Variants in GRK6 observed in about 807,000 individuals in gnomAD.
GRK6 encodes G protein-coupled receptor kinase 6.
A neutral mutation model predicts 80.8 loss-of-function variants in GRK6; 37 were observed. The ratio of observed to expected loss-of-function variants is 0.46; its 90% CI spans 0.35 to 0.60. GRK6 has a LOEUF of 0.60. GRK6 is among the 20% of genes least tolerant of loss of function. GRK6 has a pLI of 0.00. For synonymous variants in GRK6, 295 were observed against 320.9 expected (o/e 0.92, Z 0.86); for missense variants, 560 against 784.6 (o/e 0.71, Z 3.42).
chr5:177,436,004 G>A, intron 11 of GRK6, 69 bp from the exon 12 acceptor site: 4 of 1,361,470 alleles, frequency 2.9e-6, no homozygotes, highest in Non-Finnish European at 3.1e-6. Context: ...ACGTGCACTG[G>A]CGTTCCTGGG....
rs939361336 is a variant in GRK6, at chr5:177,435,735, T to C, written c.1058-338T>C. On this transcript the variant is annotated intron_variant, in intron 11 of 15. Transcript: ENST00000355472. ...AGGAGTTTCCTTCTTCTCGCTGATA[T>C]TAAATCCAGAAGTTGCAAAATGGTA... Among the ~76,000 whole-genome samples the C allele has an allele frequency of 3.0e-4, 45 of 152,374 alleles. 1 individual carries two copies. Among genetic ancestry groups the C allele is most frequent in the Admixed American group, 2.8e-3 (43 of 15,308 alleles).
chr5:177,434,070 C>G lies in GRK6; in HGVS notation c.895C>G (p.Leu299Val). Residue 299 changes from leucine (L) to valine (V), a missense_variant, in exon 9 of 16, where the codon CTG (leucine) becomes GTG (valine). Physicochemically the swap from Leu to Val is conservative, Grantham distance 32. Around this residue, in one of 3 missense-constraint regions of GRK6, gnomAD observed 294 missense variants for 397.4 expected, o/e 0.74. Transcript: ENST00000355472. ...VFYAAEICCG[L>V]EDLHRERIVY... ...CTACGCCGCCGAGATCTGCTGTGGC[C>G]TGGAGGACCTGCACCGGGAGCGCAT... 6.2e-7 allele frequency: 1 copy of G among 1,602,224 alleles called. No homozygotes were observed. The highest frequency in any genetic ancestry group is 8.5e-7 in the Non-Finnish European group (1 of 1,174,930).
At chr5:177,439,421 T>C (rs1764343252) in intron 13 of GRK6, among the ~76,000 whole-genome samples, 1 of 151,888 alleles carries the variant, frequency 6.6e-6, no homozygotes, top group South Asian at 2.1e-4. Context: ...ATGCCGGTAA[T>C]CTCACCTACT....
chr5:177,432,059 T>A lies in GRK6; in HGVS notation c.213T>A (p.Cys71Ter). 1 of 1,613,142 alleles carries A rather than the reference T, an allele frequency of 6.2e-7. No homozygotes were observed. Among genetic ancestry groups the A allele is most frequent in the Non-Finnish European group, 8.5e-7 (1 of 1,179,732 alleles). The stretch of plus-strand genomic sequence containing the variant: ...GGCGCCTGCTGTTCCGAGAGTTCTG[T>A]GCCACGAGGCCGGAGCTGAGCCGCT... ...PIGRLLFREF[C>*]ATRPELSRCV... Residue 71 changes from cysteine (C) to a stop codon, truncating the protein, a stop_gained, in exon 3 of 16, where the codon TGT becomes TGA. Transcript: ENST00000355472. LOFTEE classifies it high-confidence loss of function.
chr5:177,438,006 TG>T (rs1165124749), intron 13 of GRK6, among the ~76,000 whole-genome samples: 2 of 152,078 alleles, frequency 1.3e-5, no homozygotes, highest in African/African-American at 4.8e-5. Flanking sequence ...TACATTCTAG[TG>T]GGAGACACAC....
At chr5:177,430,799 G>C in intron 1 of GRK6, 73 bp from the exon 2 acceptor site, 2 of 1,345,484 alleles carry the variant, frequency 1.5e-6, no homozygotes, top group South Asian at 1.2e-5. Flanking sequence ...TAGAGGCCGT[G>C]GACCGCACTG....
chr5:177,439,710 A>C (rs1764368123), intron 13 of GRK6, among the ~76,000 whole-genome samples: 1 of 151,328 alleles, frequency 6.6e-6, no homozygotes, highest in Non-Finnish European at 1.5e-5. Context: ...AGCAATCACC[A>C]GTCTACTCTG....
At position 177,434,005 on chromosome 5, in the gene GRK6, A is replaced by G. The variant is rs1434976954; in HGVS notation, c.830A>G (p.His277Arg). Residue 277 changes from histidine to arginine, a missense_variant, in exon 9 of 16, where the codon CAC (histidine) becomes CGC (arginine). By Grantham distance (29) the His-to-Arg change is conservative. Transcript: ENST00000355472. Reference protein sequence around the residue: ...NGGDLKFHIYHMGQAGFPEAR... With the variant: ...NGGDLKFHIYRMGQAGFPEAR... ...GGCGACCTCAAGTTCCACATCTACC[A>G]CATGGGCCAGGCTGGCTTCCCCGAA... The G allele has an allele frequency of 6.2e-7, 1 of 1,613,120 alleles. No individual in the cohort carries two copies. The highest frequency in any genetic ancestry group is 1.7e-5 in the Admixed American group (1 of 59,946).
At chr5:177,436,866 G>A (rs895613825) in intron 13 of GRK6, among the ~76,000 whole-genome samples, 12 of 152,134 alleles carry the variant, frequency 7.9e-5, no homozygotes, top group African/African-American at 2.7e-4. Flanking sequence ...ACAGTAGACA[G>A]AGAGCTTCTC....
In GRK6 at chr5:177,432,281, C is replaced by A. The variant is rs777110947; in HGVS notation, c.310C>A (p.Gln104Lys). ...PDDKRKACGR[Q>K]LTQNFLSHTG... ...TGACAAGCGGAAGGCATGTGGGCGG[C>A]AGCTAACGCAGAATTTTCTGAGCCA... The change falls in exon 4 of 16, where the codon CAG becomes AAG. Residue 104 changes from glutamine (Q) to lysine (K), a missense_variant. Around this residue, in one of 3 missense-constraint regions of GRK6, gnomAD observed 189 missense variants for 230.2 expected, o/e 0.82. Coordinates refer to ENST00000355472, the MANE Select transcript of GRK6 (RefSeq NM_001004106.3). The A allele has an allele frequency of 6.2e-7, 1 of 1,613,056 alleles. No homozygotes were observed. The highest frequency in any genetic ancestry group is 8.5e-7 in the Non-Finnish European group (1 of 1,179,992).
At position 177,434,077 on chromosome 5, in the gene GRK6, A is replaced by T; in HGVS notation, c.902A>T (p.Asp301Val). Residue 301 changes from aspartate (D) to valine (V), a missense_variant, in exon 9 of 16, where the codon GAC becomes GTC. Physicochemically the swap from Asp to Val is radical, Grantham distance 152. Around this residue, in one of 3 missense-constraint regions of GRK6, gnomAD observed 294 missense variants for 397.4 expected, o/e 0.74. Transcript: ENST00000355472. ...YAAEICCGLE[D>V]LHRERIVYRD... ...GCCGAGATCTGCTGTGGCCTGGAGGACCTGCACCGGGAGCGCATCGTGTAC... is the reference window on the plus strand; with the variant it reads ...GCCGAGATCTGCTGTGGCCTGGAGGTCCTGCACCGGGAGCGCATCGTGTAC... 1 of 1,598,538 alleles carries T rather than the reference A, an allele frequency of 6.3e-7. No individual in the cohort carries two copies.
intron 13 of GRK6, among the ~76,000 whole-genome samples, chr5:177,437,297 G>A (rs982698671): frequency 6.6e-6 from 1 of 152,142 alleles, no homozygotes; most frequent in African/African-American, 2.4e-5. Context: ...GGGAAAAGAA[G>A]TCCCAAAGCT....
At chr5:177,441,676 C>T (rs774844623) in intron 15 of GRK6, 61 bp from the exon 16 acceptor site, 35 of 1,379,348 alleles carry the variant, frequency 2.5e-5, no homozygotes, top group Non-Finnish European at 3.1e-5. Context: ...TGACGTCCCT[C>T]GTGGTTAATG....
At chr5:177,441,236 T>G (rs1345790149) in intron 15 of GRK6, 183 bp downstream of exon 15, 2 of 1,557,298 alleles carry the variant, frequency 1.3e-6, no homozygotes, top group Admixed American at 3.7e-5. Flanking sequence ...GCCTCTTTTC[T>G]CTTTCCAGAG....
intron 1 of GRK6, chr5:177,430,527 C>G (rs1349328890): frequency 3.2e-6 from 1 of 314,904 alleles, no homozygotes; most frequent in African/African-American, 2.1e-5. Flanking sequence ...TTCTGCACTT[C>G]TCAGCACTGT....
intron 13 of GRK6, among the ~76,000 whole-genome samples, chr5:177,440,310 G>A (rs965577007): frequency 6.6e-6 from 1 of 152,226 alleles, no homozygotes; most frequent in Non-Finnish European, 1.5e-5. Context: ...GTCATCGCAG[G>A]GCGGGGAGCC....
At chr5:177,434,659 G>A (rs1040487557) in intron 9 of GRK6, among the ~76,000 whole-genome samples, 5 of 152,204 alleles carry the variant, frequency 3.3e-5, no homozygotes, top group African/African-American at 4.8e-5. Context: ...AGGCCCCTCC[G>A]GGGTGGAGCT....
rs1238592016 is a variant in GRK6, at chr5:177,436,218, G to A, written c.1203G>A (p.Val401=). The change falls in exon 12 of 16, where the codon GTG becomes GTA. Residue 401 remains valine (V), a synonymous_variant. Coordinates refer to ENST00000355472, the MANE Select transcript of GRK6 (RefSeq NM_001004106.3). ...AGCGGGAGGAGGTGGAGCGGCTGGTGAAGGAGGTCCCCGAGGAGTATTCCG... is the reference window on the plus strand; with the variant it reads ...AGCGGGAGGAGGTGGAGCGGCTGGTAAAGGAGGTCCCCGAGGAGTATTCCG... ...KIKREEVERL[V]KEVPEEYSER... 23 of 1,611,434 alleles carry A rather than the reference G, an allele frequency of 1.4e-5. No individual in the cohort carries two copies. Among genetic ancestry groups the A allele is most frequent in the Non-Finnish European group, 1.8e-5 (21 of 1,177,740 alleles).
At chr5:177,436,337 C>A in intron 12 of GRK6, 56 bp downstream of exon 12, 2 of 1,566,148 alleles carry the variant, frequency 1.3e-6, no homozygotes, top group Non-Finnish European at 8.8e-7. Context: ...GCACCTTTCC[C>A]TCCCTCCCAC....
Sources: allele counts gnomAD v4.1 joint callset (sites outside exome capture counted in the v4.1 genomes callset), GRCh38; gene constraint gnomAD v4.1.1; regional missense constraint gnomAD v4.1.1; transcripts MANE v1.5; gene names NCBI Gene and HGNC (gene_info 2026-07-23, HGNC 2026-07-21).